Variants in CNTN6 observed in about 807,000 individuals in gnomAD.
CNTN6 encodes contactin 6.
A neutral mutation model predicts 122.8 loss-of-function variants in CNTN6; 137 were observed. The observed-to-expected ratio is 1.12, with a 90% CI of 0.97 to 1.29. CNTN6 has a LOEUF of 1.29. Among genes scored for constraint, CNTN6 ranks in the 50% most tolerant of loss-of-function variants. CNTN6 has a pLI of 0.00. For synonymous variants in CNTN6, 570 were observed against 426.0 expected (o/e 1.34, Z -4.16); for missense variants, 1,634 against 1,223.4 (o/e 1.34, Z -5.01).
At chr3:1,309,965 CTT>C (rs1698973392) in intron 7 of CNTN6, among the ~76,000 whole-genome samples, 1 of 152,054 alleles carries the variant, frequency 6.6e-6, no homozygotes, top group Non-Finnish European at 1.5e-5. Flanking sequence ...AGTTAACTGA[CTT>C]TGATATATTA....
At position 1,403,405 on chromosome 3, in the gene CNTN6, A is replaced by G; in HGVS notation, c.3074A>G (p.Gln1025Arg). The G allele has an allele frequency of 6.2e-7, 1 of 1,604,546 alleles. No homozygotes were observed. The highest frequency in any genetic ancestry group is 1.1e-5 in the South Asian group (1 of 90,802). ...VIVIFHCFAI[Q>R]PLI The stretch of plus-strand genomic sequence containing the variant: ...GTGATTTTTCACTGTTTTGCTATTC[A>G]GCCACTTATCTGATGAATAAAACCA... The change falls in exon 23 of 23, where the codon CAG becomes CGG. Residue 1025 changes from glutamine to arginine, a missense_variant. Coordinates refer to ENST00000446702, the MANE Select transcript of CNTN6 (RefSeq NM_001289080.2).
At chr3:1,242,713 A>C (rs1432340731) in intron 4 of CNTN6, among the ~76,000 whole-genome samples, 2 of 152,164 alleles carry the variant, frequency 1.3e-5, no homozygotes, top group Non-Finnish European at 1.5e-5. Flanking sequence ...GAAGGGCGGC[A>C]ATGAGACACA....
chr3:1,165,990 CAGAA>C (rs2093239381), intron 2 of CNTN6, among the ~76,000 whole-genome samples: 1 of 152,154 alleles, frequency 6.6e-6, no homozygotes, highest in African/African-American at 2.4e-5. Flanking sequence ...CACTTACCCA[CAGAA>C]AGTCTCCCTC....
chr3:1,299,079 A>G (rs1360483130), intron 7 of CNTN6, among the ~76,000 whole-genome samples: 1 of 152,144 alleles, frequency 6.6e-6, no homozygotes, highest in Non-Finnish European at 1.5e-5. Context: ...TTTGAATGAA[A>G]TTTCTCAGAA....
intron 1 of CNTN6, among the ~76,000 whole-genome samples, chr3:1,100,942 C>G (rs1456150403): frequency 6.6e-6 from 1 of 152,000 alleles, no homozygotes; most frequent in Non-Finnish European, 1.5e-5. Context: ...GTGGTTCATT[C>G]TTCCTGGTGC....
chr3:1,287,581 T>C (rs1281588193), intron 5 of CNTN6, among the ~76,000 whole-genome samples: 2 of 151,812 alleles, frequency 1.3e-5, no homozygotes, highest in East Asian at 1.9e-4. Flanking sequence ...GAGATAAGAG[T>C]CGGTAGGACT....
Position 1,245,295 on chromosome 3 carries a change from CATATATATATATATATATATATATATAT to C in CNTN6, c.358+17316_358+17343del, listed in dbSNP as rs71056326. ...TATATACACACACATATATATATAA[CATATATATATATATATATATATATATAT>C]ATATATATATATAGCATGGAATACT... On this transcript the variant is annotated intron_variant, in intron 4 of 22. Coordinates refer to ENST00000446702, the MANE Select transcript of CNTN6 (RefSeq NM_001289080.2). Among the ~76,000 whole-genome samples the C allele has an allele frequency of 5.3e-4, 2 of 3,800 alleles. 1 individual carries two copies. The highest frequency in any genetic ancestry group is 2.0e-3 in the African/African-American group (2 of 1,016). 2.5% of individuals were successfully genotyped at this position (3,800 alleles called of 152,430 possible). A position where few individuals can be genotyped will look rare whatever the true frequency, so the allele number is the denominator to read the frequency against.
chr3:1,316,442 C>A (rs371206208), intron 7 of CNTN6, among the ~76,000 whole-genome samples: 1 of 151,774 alleles, frequency 6.6e-6, no homozygotes, highest in Non-Finnish European at 1.5e-5. Context: ...TTTAAACAAC[C>A]ATATCTCACA....
chr3:1,228,140 C>G, intron 4 of CNTN6, 147 bp downstream of exon 4: 1 of 683,866 alleles, frequency 1.5e-6, no homozygotes, highest in Non-Finnish European at 2.3e-6. Flanking sequence ...TTTTGTGAAT[C>G]TAGATTCTTG....
intron 8 of CNTN6, 142 bp downstream of exon 8, chr3:1,321,976 A>G: frequency 1.5e-6 from 1 of 653,844 alleles, no homozygotes; most frequent in Non-Finnish European, 2.6e-6. Flanking sequence ...GCTTAACACA[A>G]TGATTAGCAG....
At chr3:1,383,272 A>ATGTC in intron 18 of CNTN6, 21 bp from the exon 19 acceptor site, 1 of 1,603,406 alleles carries the variant, frequency 6.2e-7, no homozygotes, top group African/African-American at 1.3e-5. Flanking sequence ...AAAGATGGTT[A>ATGTC]TGTCTTTCTC....
intron 2 of CNTN6, among the ~76,000 whole-genome samples, chr3:1,202,159 A>G (rs1388298724): frequency 3.9e-5 from 6 of 152,216 alleles, no homozygotes; most frequent in African/African-American, 1.4e-4. Flanking sequence ...CCTATGGTGA[A>G]AAACATAGAA....
chr3:1,176,810 G>A (rs931312939), intron 2 of CNTN6, among the ~76,000 whole-genome samples: 1 of 152,090 alleles, frequency 6.6e-6, no homozygotes, highest in Admixed American at 6.6e-5. Flanking sequence ...GTTTTAAAAT[G>A]TTTATGCTAA....
chr3:1,244,050 T>C (rs1025649392), intron 4 of CNTN6, among the ~76,000 whole-genome samples: 63 of 152,148 alleles, frequency 4.1e-4, no homozygotes, highest in Non-Finnish European at 1.3e-4. Flanking sequence ...ACAAAAATTA[T>C]TTAGGTCTTG....
chr3:1,289,569 G>A (rs958512524), intron 5 of CNTN6, among the ~76,000 whole-genome samples: 13 of 152,148 alleles, frequency 8.5e-5, no homozygotes, highest in Middle Eastern at 3.4e-3. Context: ...CCACTCAAAC[G>A]CAAATATACA....
rs150517549 is a variant in CNTN6, at chr3:1,361,073, G to A, written c.1492+8622G>A. On this transcript the variant is annotated intron_variant, in intron 12 of 22. Coordinates refer to ENST00000446702, the MANE Select transcript of CNTN6 (RefSeq NM_001289080.2). ...CCAGAGTATTGCTATAGCACAGAAT[G>A]GCTCAACCAGGATGATTTTGTCTCC... Among the ~76,000 whole-genome samples the A allele has an allele frequency of 3.4e-4, 52 of 152,144 alleles. No homozygotes were observed. In the East Asian group the frequency reaches 9.3e-3, roughly 27 times the overall value.
At chr3:1,186,807 T>TTTTA (rs2093633278) in intron 2 of CNTN6, among the ~76,000 whole-genome samples, 1 of 151,906 alleles carries the variant, frequency 6.6e-6, no homozygotes, top group Non-Finnish European at 1.5e-5. Context: ...GTCCCATTCT[T>TTTTA]TTTATTTTTT....
At chr3:1,390,834 C>G (rs568594040) in intron 20 of CNTN6, among the ~76,000 whole-genome samples, 1 of 150,674 alleles carries the variant, frequency 6.6e-6, no homozygotes, top group Non-Finnish European at 1.5e-5. Flanking sequence ...TCGACACATA[C>G]ACTCTCCCAA....
At chr3:1,224,037 G>A (rs904368040) in intron 3 of CNTN6, among the ~76,000 whole-genome samples, 1 of 152,166 alleles carries the variant, frequency 6.6e-6, no homozygotes, top group Non-Finnish European at 1.5e-5. Flanking sequence ...TCTTTCCACA[G>A]GGGTCACAGA....
Sources: gnomAD v4.1 joint callset for allele counts (sites outside exome capture counted in the v4.1 genomes callset) on GRCh38, gnomAD v4.1.1 for gene constraint, MANE v1.5 for transcripts, NCBI Gene and HGNC (gene_info 2026-07-23, HGNC 2026-07-21) for gene names.